Variants in TXLNB observed in about 807,000 individuals in gnomAD.
TXLNB encodes beta-taxilin.
In TXLNB, 37 loss-of-function variants were observed where a neutral mutation model predicts 57.4. The ratio of observed to expected loss-of-function variants is 0.64; its 90% confidence interval spans 0.50 to 0.85. The LOEUF is 0.85. TXLNB is among the 40% of genes least tolerant of loss of function. The pLI, the probability that TXLNB is intolerant of heterozygous loss-of-function variation, is 0.00. For missense variants in TXLNB, 848 were observed against 825.6 expected (o/e 1.03, Z -0.33); for synonymous variants, 302 against 309.6 (o/e 0.98, Z 0.26).
the TXLNB span, among the ~76,000 whole-genome samples, chr6:139,234,878 T>C: frequency 6.6e-6 from 1 of 152,190 alleles, no homozygotes; most frequent in African/African-American, 2.4e-5. Flanking sequence ...CACTCAATGC[T>C]AGCCCATGAA....
At chr6:139,161,973 T>A in the TXLNB span, among the ~76,000 whole-genome samples, 104 of 152,324 alleles carry the variant, frequency 6.8e-4, no homozygotes, top group Non-Finnish European at 9.1e-4. Flanking sequence ...TACATCCAGG[T>A]CTGACTGTCT....
intron 4 of TXLNB, among the ~76,000 whole-genome samples, chr6:139,264,543 T>TTTTTGTTTTGTTTTG (rs199910457): frequency 2.7e-5 from 4 of 150,674 alleles, no homozygotes; most frequent in African/African-American, 9.9e-5. Flanking sequence ...ATATATATAT[T>TTTTTGTTTTGTTTTG]TTTTGTTTTG....
the TXLNB span, among the ~76,000 whole-genome samples, chr6:139,184,441 T>A: frequency 6.6e-6 from 1 of 152,244 alleles, no homozygotes; most frequent in Non-Finnish European, 1.5e-5. Context: ...TCCCCTATTT[T>A]AGAAAAAGAA....
chr6:139,255,727 C>G (rs1442232286), intron 6 of TXLNB, 89 bp from the exon 7 acceptor site: 10 of 976,374 alleles, frequency 1.0e-5, no homozygotes, highest in Non-Finnish European at 1.6e-5. Flanking sequence ...ACTTAGCAAC[C>G]TGCTCATTAA....
chr6:139,243,969 T>C (rs1195637935), intron 9 of TXLNB, among the ~76,000 whole-genome samples: 1 of 151,942 alleles, frequency 6.6e-6, no homozygotes, highest in African/African-American at 2.4e-5. Context: ...ACCTCTGAGC[T>C]ACTCTGTCCC....
chr6:139,222,093 A>G, the TXLNB span, among the ~76,000 whole-genome samples: 1 of 152,202 alleles, frequency 6.6e-6, no homozygotes. Flanking sequence ...TAAAATAAAT[A>G]GCAAGGTGGT....
chr6:139,198,283 G>C, the TXLNB span, among the ~76,000 whole-genome samples: 1 of 151,852 alleles, frequency 6.6e-6, no homozygotes, highest in Non-Finnish European at 1.5e-5. Context: ...GGAAGTCTTG[G>C]GTAGGGCTGC....
the TXLNB span, among the ~76,000 whole-genome samples, chr6:139,316,930 A>AT: frequency 1.3e-5 from 2 of 152,196 alleles, no homozygotes; most frequent in East Asian, 3.9e-4. Context: ...AATACTAGTC[A>AT]TGTACTTGAG....
the TXLNB span, among the ~76,000 whole-genome samples, chr6:139,173,285 C>T: frequency 6.6e-6 from 1 of 152,298 alleles, no homozygotes; most frequent in South Asian, 2.1e-4. Flanking sequence ...ACCCAACATA[C>T]ACTTATAAAG....
the TXLNB span, among the ~76,000 whole-genome samples, chr6:139,182,752 A>G: frequency 6.6e-6 from 1 of 152,218 alleles, no homozygotes; most frequent in Admixed American, 6.5e-5. Flanking sequence ...TTTCTTTAGT[A>G]GAAACTTTTA....
the TXLNB span, among the ~76,000 whole-genome samples, chr6:139,160,833 G>C: frequency 1.3e-5 from 2 of 152,178 alleles, no homozygotes; most frequent in Non-Finnish European, 2.9e-5. Context: ...AATTATGGTA[G>C]CATATAAGCA....
chr6:139,257,744 C>G (rs1776380655), intron 6 of TXLNB, among the ~76,000 whole-genome samples: 1 of 152,140 alleles, frequency 6.6e-6, no homozygotes, highest in South Asian at 2.1e-4. Context: ...TCCACGAGGT[C>G]TATGTATTAT....
the TXLNB span, among the ~76,000 whole-genome samples, chr6:139,214,784 G>A: frequency 6.6e-6 from 1 of 152,134 alleles, no homozygotes. Context: ...CAAAGTCTCA[G>A]GATACAAAAT....
the TXLNB span, among the ~76,000 whole-genome samples, chr6:139,172,618 C>G: frequency 2.6e-5 from 4 of 152,240 alleles, no homozygotes; most frequent in Non-Finnish European, 5.9e-5. Flanking sequence ...TTTAGAAATT[C>G]AAAATTCTCT....
At chr6:139,194,229 C>T in the TXLNB span, among the ~76,000 whole-genome samples, 1 of 152,212 alleles carries the variant, frequency 6.6e-6, no homozygotes, top group African/African-American at 2.4e-5. Flanking sequence ...GCGTGAGCCA[C>T]CGCACCTAGC....
the TXLNB span, among the ~76,000 whole-genome samples, chr6:139,317,545 G>A: frequency 6.6e-5 from 10 of 151,856 alleles, no homozygotes; most frequent in Admixed American, 2.6e-4. Flanking sequence ...GACTACAGGC[G>A]CCCGCCACCA....
chr6:139,254,310 A>G (rs1776280583), intron 7 of TXLNB, among the ~76,000 whole-genome samples: 1 of 118,910 alleles, frequency 8.4e-6, no homozygotes, highest in South Asian at 2.5e-4. Flanking sequence ...TACAATGAAC[A>G]CGATTTGTGT....
chr6:139,232,871 A>G, the TXLNB span, among the ~76,000 whole-genome samples: 2 of 151,980 alleles, frequency 1.3e-5, no homozygotes, highest in African/African-American at 4.8e-5. Context: ...TTATTTTTTG[A>G]GCTGTGTTGA....
At chr6:139,265,069 C>T (rs959040967) in intron 4 of TXLNB, among the ~76,000 whole-genome samples, 1 of 152,192 alleles carries the variant, frequency 6.6e-6, no homozygotes, top group Non-Finnish European at 1.5e-5. Context: ...CATCATTGTG[C>T]ATCTTACAAC....
Sources: allele counts gnomAD v4.1 joint callset (sites outside exome capture counted in the v4.1 genomes callset), GRCh38; gene constraint gnomAD v4.1.1; transcripts MANE v1.5; gene names NCBI Gene and HGNC (gene_info 2026-07-23, HGNC 2026-07-21).